The following XYLT1 variants were observed in gnomAD, a reference collection of about 807,000 sequenced individuals.
XYLT1 encodes the protein beta-D-xylosyltransferase 1.
A neutral mutation model predicts 91.3 loss-of-function variants in XYLT1; 36 were observed. The ratio of observed to expected loss-of-function variants is 0.39; its 90% CI spans 0.30 to 0.52. The LOEUF (loss-of-function observed/expected upper bound fraction) is 0.52. Among genes scored for constraint, XYLT1 ranks in the 20% least tolerant of loss-of-function variants. XYLT1 has a pLI of 0.68. For missense variants in XYLT1, 1,242 were observed against 1,284.5 expected (o/e 0.97, Z 0.51); for synonymous variants, 588 against 532.0 (o/e 1.11, Z -1.45).
intron 2 of XYLT1, among the ~76,000 whole-genome samples, chr16:17,328,303 T>C (rs1364117470): frequency 6.6e-6 from 1 of 151,924 alleles, no homozygotes; most frequent in Admixed American, 6.6e-5. Context: ...TGCCAGCACT[T>C]TGGGAGGCTG....
At chr16:17,109,160 T>G in intron 11 of XYLT1, 143 bp from the exon 12 acceptor site, 1 of 919,176 alleles carries the variant, frequency 1.1e-6, no homozygotes, top group Non-Finnish European at 1.5e-6. Flanking sequence ...GAAGTTCTTT[T>G]AGCAGTCCCA....
At chr16:17,199,564 TGTTATGGGAGGGATC>T (rs1224416127) in intron 4 of XYLT1, among the ~76,000 whole-genome samples, 2 of 152,138 alleles carry the variant, frequency 1.3e-5, no homozygotes, top group Non-Finnish European at 2.9e-5. Flanking sequence ...AATTCCCACG[TGTTATGGGAGGGATC>T]CAGTGGGAGA....
chr16:17,376,080 C>T (rs922862471), intron 1 of XYLT1, among the ~76,000 whole-genome samples: 3 of 152,254 alleles, frequency 2.0e-5, no homozygotes, highest in Non-Finnish European at 2.9e-5. Context: ...TCACAGCCAG[C>T]GTTGCCCTAG....
chr16:17,314,413 T>C (rs2141824297), intron 2 of XYLT1, among the ~76,000 whole-genome samples: 1 of 152,224 alleles, frequency 6.6e-6, no homozygotes, highest in East Asian at 1.9e-4. Context: ...TAGAGCCCTC[T>C]AGAAACCACT....
chr16:17,363,806 A>G lies in XYLT1; in HGVS notation c.364-5756T>C, dbSNP rs927629907. Among the ~76,000 whole-genome samples the G allele has an allele frequency of 3.3e-5, 5 of 152,172 alleles. No individual in the cohort carries two copies. In the East Asian group the frequency reaches 9.6e-4, roughly 29 times the overall value. On this transcript the variant is annotated intron_variant, in intron 1 of 11. Transcript: ENST00000261381. ...TGATCCACCTGCTTCAGCCTCCCAA[A>G]GTGCCGGGATTACAGCTGTGCACCA...
intron 3 of XYLT1, among the ~76,000 whole-genome samples, chr16:17,204,022 T>A (rs2032592999): frequency 6.6e-6 from 1 of 152,180 alleles, no homozygotes. Flanking sequence ...TGCGTTATCA[T>A]CCTCTGAGGC....
intron 1 of XYLT1, among the ~76,000 whole-genome samples, chr16:17,469,558 G>A (rs189718355): frequency 1.3e-3 from 194 of 152,302 alleles, no homozygotes; most frequent in Non-Finnish European, 2.0e-3. Context: ...AGACAAGTCA[G>A]TTCCCCACCC....
rs28508002 is a variant in XYLT1 at position 17,263,265 on chromosome 16, C to T, written c.403-3767G>A. Reference sequence around the variant, plus strand: ...AAGCAAAACCAGACAGAAAACACTGCGATCATCTCCCTCCACCCCCCACGG... The same window carrying T: ...AAGCAAAACCAGACAGAAAACACTGTGATCATCTCCCTCCACCCCCCACGG... On this transcript the variant is annotated intron_variant, in intron 2 of 11. Transcript: ENST00000261381. Among the ~76,000 whole-genome samples, 1,464 of 152,130 alleles carry T rather than the reference C, an allele frequency of 9.6e-3. 21 individuals carry two copies. The highest frequency in any genetic ancestry group is 0.033 in the African/African-American group (1,386 of 41,500).
rs143240007 is a variant in XYLT1 at position 17,295,636 on chromosome 16, G to A, written c.403-36138C>T. On this transcript the variant is annotated intron_variant, in intron 2 of 11. Transcript: ENST00000261381. ...CTCCCAAAGTCCTGGGATTATAGGC[G>A]TGAGCCACCACACCCGACCCAAGAG... is the stretch of plus-strand genomic sequence containing the variant. Among the ~76,000 whole-genome samples, 627 of 152,290 alleles carry A rather than the reference G, an allele frequency of 4.1e-3. 4 individuals carry two copies. Among genetic ancestry groups the A allele is most frequent in the Non-Finnish European group, 6.7e-3 (459 of 68,032 alleles).
chr16:17,247,990 G>T (rs1199453618), intron 3 of XYLT1, among the ~76,000 whole-genome samples: 1 of 152,180 alleles, frequency 6.6e-6, no homozygotes, highest in Non-Finnish European at 1.5e-5. Flanking sequence ...CTGCCCCCCA[G>T]TCCCAGCCTG....
intron 2 of XYLT1, among the ~76,000 whole-genome samples, chr16:17,266,961 C>T (rs756429303): frequency 1.3e-5 from 2 of 152,254 alleles, no homozygotes; most frequent in Non-Finnish European, 2.9e-5. Context: ...CCTCGTCCAG[C>T]TCATCTGCAT....
intron 1 of XYLT1, among the ~76,000 whole-genome samples, chr16:17,421,008 G>A (rs2036244906): frequency 6.6e-6 from 1 of 152,144 alleles, no homozygotes; most frequent in South Asian, 2.1e-4. Context: ...ACCACCACAG[G>A]TATGCATGTA....
intron 1 of XYLT1, among the ~76,000 whole-genome samples, chr16:17,391,280 G>C (rs931450272): frequency 6.6e-6 from 1 of 152,070 alleles, no homozygotes; most frequent in Non-Finnish European, 1.5e-5. Context: ...ATGATGGCTT[G>C]ACCCAGACCC....
chr16:17,343,994 G>A (rs748585816), intron 2 of XYLT1, among the ~76,000 whole-genome samples: 1 of 152,148 alleles, frequency 6.6e-6, no homozygotes, highest in Non-Finnish European at 1.5e-5. Flanking sequence ...AACGGGTGTT[G>A]ATTTTTACAC....
At chr16:17,373,820 G>A (rs924244463) in intron 1 of XYLT1, among the ~76,000 whole-genome samples, 4 of 152,204 alleles carry the variant, frequency 2.6e-5, no homozygotes, top group African/African-American at 7.2e-5. Context: ...AACACTGCTC[G>A]TGAACACTAT....
chr16:17,190,299 C>G (rs1167965608), intron 5 of XYLT1, among the ~76,000 whole-genome samples: 2 of 152,094 alleles, frequency 1.3e-5, no homozygotes, highest in East Asian at 3.9e-4. Flanking sequence ...ACCTCAGTTT[C>G]TTTTTATTAT....
At chr16:17,114,889 G>C (rs537184622) in intron 11 of XYLT1, among the ~76,000 whole-genome samples, 7 of 151,998 alleles carry the variant, frequency 4.6e-5, no homozygotes, top group African/African-American at 1.7e-4. Context: ...TTGTCACCCA[G>C]GCTGGAGTGC....
chr16:17,212,723 T>G (rs533844959), intron 3 of XYLT1, among the ~76,000 whole-genome samples: 1 of 152,270 alleles, frequency 6.6e-6, no homozygotes, highest in Admixed American at 6.5e-5. Flanking sequence ...TGAACCGTCT[T>G]ATTGATTTTA....
intron 1 of XYLT1, among the ~76,000 whole-genome samples, chr16:17,452,083 G>A (rs1194168114): frequency 6.6e-6 from 1 of 152,064 alleles, no homozygotes; most frequent in African/African-American, 2.4e-5. Context: ...TTACTCAATT[G>A]CTATAAGAGA....
Sources: allele counts gnomAD v4.1 joint callset (sites outside exome capture counted in the v4.1 genomes callset), GRCh38; gene constraint gnomAD v4.1.1; transcripts MANE v1.5; gene names NCBI Gene and HGNC (gene_info 2026-07-23, HGNC 2026-07-21).